Variants in COTL1 observed in about 807,000 individuals in gnomAD.
The protein encoded by COTL1 is coactosin like F-actin binding protein 1, also known as coactosin-like protein.
Under a neutral mutation model 16.5 loss-of-function variants are expected in COTL1, and 15 were observed. That is an observed-to-expected ratio of 0.91 (90% CI 0.61 to 1.40). The LOEUF is 1.40. Among genes scored for constraint, COTL1 ranks in the 40% most tolerant of loss-of-function variants. The probability of loss-of-function intolerance (pLI) is 0.00; values close to 1 mark genes in which losing one functional copy is unlikely to be tolerated. For synonymous variants in COTL1, 112 were observed against 85.3 expected, an observed-to-expected ratio of 1.31 and a Z score of -1.73; for missense variants, 220 against 201.5, an observed-to-expected ratio of 1.09 and a Z score of -0.56.
At chr16:84,597,277 C>G (rs1048498162) in intron 2 of COTL1, among the ~76,000 whole-genome samples, 1 of 152,184 alleles carries the variant, frequency 6.6e-6, no homozygotes, top group East Asian at 1.9e-4. Context: ...GGCCAGTCCC[C>G]ACTCTAAGAA....
Position 84,590,162 on chromosome 16 carries a change from G to A in COTL1, c.261C>T (p.Ser87=), listed in dbSNP as rs372414639. 77 of 1,614,062 alleles carry A rather than the reference G, an allele frequency of 4.8e-5. No individual in the cohort carries two copies. The highest frequency in any genetic ancestry group is 4.7e-4 in the African/African-American group (35 of 75,028). ...TCCCGGTTTTGGCGCGCTGCAGCCC[G>A]CTGACGTTCTCACCGATCCACGTGA... The part of the protein sequence containing the change: ...ALITWIGENV[S]GLQRAKTGTD... The change falls in exon 3 of 4, where the codon AGC becomes AGT. Residue 87 remains serine, a synonymous_variant. Transcript: ENST00000262428. The surrounding 1 kb of genome is among the most constrained non-coding windows in gnomAD (Gnocchi z 5.5).
In COTL1 at chr16:84,599,525, C is replaced by T. The variant is rs150059122; in HGVS notation, c.161-9263G>A. On this transcript the variant is annotated intron_variant, in intron 2 of 3. Transcript: ENST00000262428. ...TGTCTGGGTCTTGTTATGGCCCCAG[C>T]ACTGATCACCATGCCAGGCATGTCA... 2.0e-3 allele frequency among the ~76,000 whole-genome samples: 304 copies of T among 152,288 alleles called. 1 individual carries two copies. The highest frequency in any genetic ancestry group is 7.1e-3 in the African/African-American group (294 of 41,548).
intron 3 of COTL1, chr16:84,575,909 T>C (rs747355474): frequency 2.6e-5 from 4 of 152,206 alleles, no homozygotes; most frequent in Non-Finnish European, 4.4e-5. Flanking sequence ...TGAGAACACC[T>C]GGTACAAAGC....
At chr16:84,596,927 C>T (rs16974241) in intron 2 of COTL1, 5,142 of 152,504 alleles carry the variant, frequency 0.034, 289 homozygotes, top group African/African-American at 0.12. Flanking sequence ...CACAACTGTT[C>T]GCTAAGGCAA....
Position 84,590,074 on chromosome 16 carries a change from T to G in COTL1, c.318+31A>C, listed in dbSNP as rs909300241. On this transcript the variant is annotated intron_variant, in intron 3 of 3. Coordinates refer to ENST00000262428, the MANE Select transcript of COTL1 (RefSeq NM_021149.5). This position sits in a 1 kb window ranked among gnomAD's most constrained non-coding sequence, Gnocchi z 5.5. ...GCAGGATGGTGACCCTTGGCGAGCT[T>G]TGACCTCCAGACTCTGGAGGAACTC... The G allele has an allele frequency of 6.3e-7, 1 of 1,587,892 alleles. No homozygotes were observed. The highest frequency in any genetic ancestry group is 8.6e-7 in the Non-Finnish European group (1 of 1,160,868).
intron 3 of COTL1, among the ~76,000 whole-genome samples, chr16:84,574,795 G>C (rs1377250329): frequency 1.3e-5 from 2 of 151,926 alleles, no homozygotes; most frequent in African/African-American, 4.8e-5. Context: ...TGTTGGCCAG[G>C]CTGGTCATGA....
At position 84,590,085 on chromosome 16, in the gene COTL1, A is replaced by G. The variant is rs1337792292; in HGVS notation, c.318+20T>C. 6.3e-7 allele frequency: 1 copy of G among 1,597,220 alleles called. No individual in the cohort carries two copies. Among genetic ancestry groups the G allele is most frequent in the African/African-American group, 1.3e-5 (1 of 74,522 alleles). On this transcript the variant is annotated intron_variant, in intron 3 of 3. Coordinates refer to ENST00000262428, the MANE Select transcript of COTL1 (RefSeq NM_021149.5). The surrounding 1 kb of genome is among the most constrained non-coding windows in gnomAD (Gnocchi z 5.5). ...ACCCTTGGCGAGCTTTGACCTCCAG[A>G]CTCTGGAGGAACTCAGTACCTGTAC... is the stretch of plus-strand genomic sequence containing the variant.
At chr16:84,605,329 G>A (rs1223535744) in intron 2 of COTL1, among the ~76,000 whole-genome samples, 1 of 152,242 alleles carries the variant, frequency 6.6e-6, no homozygotes, top group African/African-American at 2.4e-5. Flanking sequence ...GCTGTGAAAT[G>A]GGATAACAAC....
chr16:84,586,095 G>A (rs973830369), intron 3 of COTL1, among the ~76,000 whole-genome samples: 3 of 152,130 alleles, frequency 2.0e-5, no homozygotes, highest in African/African-American at 7.2e-5. Flanking sequence ...TCTCTCTTCT[G>A]GGATCCTGAC....
At chr16:84,570,677 C>A (rs1904322833) in intron 3 of COTL1, among the ~76,000 whole-genome samples, 1 of 152,210 alleles carries the variant, frequency 6.6e-6, no homozygotes, top group East Asian at 1.9e-4. Flanking sequence ...ACCCTCCTGG[C>A]TCAGCTGATG....
intron 3 of COTL1, chr16:84,575,689 C>T (rs1904437765): frequency 6.6e-6 from 1 of 152,178 alleles, no homozygotes; most frequent in African/African-American, 2.4e-5. Flanking sequence ...CCCAACTGCC[C>T]AGGTTTAAAC....
Position 84,566,751 on chromosome 16 carries a change from G to T in COTL1, c.*94C>A. 1 of 796,698 alleles carries T rather than the reference G, an allele frequency of 1.3e-6. No homozygotes were observed. Among genetic ancestry groups the T allele is most frequent in the Non-Finnish European group, 2.1e-6 (1 of 472,682 alleles). 49.4% of individuals were successfully genotyped at this position (796,698 alleles called of 1,614,324 possible). On this transcript the variant is annotated 3_prime_UTR_variant, in exon 4 of 4. Transcript: ENST00000262428. ...CCTCTCATGGCTTCTTTTCTCCCTG[G>T]TGGGCTGGTGGGCTAGTAGCTGAGG...
intron 2 of COTL1, among the ~76,000 whole-genome samples, chr16:84,610,595 C>T (rs1416006915): frequency 1.3e-5 from 2 of 152,152 alleles, no homozygotes; most frequent in African/African-American, 4.8e-5. Flanking sequence ...TTGAACCAAT[C>T]GGTTAGCAGA....
rs568985707 is a variant in COTL1 at position 84,600,383 on chromosome 16, G to T, written c.161-10121C>A. Among the ~76,000 whole-genome samples, 14 of 146,838 alleles carry T rather than the reference G, an allele frequency of 9.5e-5. No individual in the cohort carries two copies. In the South Asian group the frequency reaches 3.0e-3, roughly 31 times the overall value. On this transcript the variant is annotated intron_variant, in intron 2 of 3. Transcript: ENST00000262428. ...CCTGCAGTGCCGTGGCACGATCTCAGCTTACTGCAACCTCCGCCTCCTGGG... is the reference window on the plus strand; with the variant it reads ...CCTGCAGTGCCGTGGCACGATCTCATCTTACTGCAACCTCCGCCTCCTGGG...
At chr16:84,594,565 C>T (rs1349984047) in intron 2 of COTL1, 1 of 152,236 alleles carries the variant, frequency 6.6e-6, no homozygotes, top group Non-Finnish European at 1.5e-5. Flanking sequence ...GCAGCCTTGA[C>T]CTGAGGGGGA....
chr16:84,604,374 C>T (rs963399067), intron 2 of COTL1, among the ~76,000 whole-genome samples: 1 of 145,768 alleles, frequency 6.9e-6, no homozygotes, highest in African/African-American at 2.6e-5. Flanking sequence ...CCTGCCCACC[C>T]AGGAGCCTCA....
At position 84,604,105 on chromosome 16, in the gene COTL1, T is replaced by A. The variant is rs1905160219; in HGVS notation, c.160+13396A>T. On this transcript the variant is annotated intron_variant, in intron 2 of 3. Coordinates refer to ENST00000262428, the MANE Select transcript of COTL1 (RefSeq NM_021149.5). Reference sequence around the variant, plus strand: ...TCCCCAACCGCCTTCTCACCCATGCTCCCCTCCCACTCCCCACCCATGCTC... The same window carrying A: ...TCCCCAACCGCCTTCTCACCCATGCACCCCTCCCACTCCCCACCCATGCTC... Among the ~76,000 whole-genome samples, 3 of 104,976 alleles carry A rather than the reference T, an allele frequency of 2.9e-5. No individual in the cohort carries two copies. In the South Asian group the frequency reaches 1.1e-3, roughly 38 times the overall value. 68.9% of individuals were successfully genotyped at this position (104,976 alleles called of 152,430 possible). A position where few individuals can be genotyped will look rare whatever the true frequency, so the allele number is the denominator to read the frequency against.
chr16:84,614,754 G>A (rs778114164), intron 2 of COTL1, among the ~76,000 whole-genome samples: 1 of 152,146 alleles, frequency 6.6e-6, no homozygotes, highest in Non-Finnish European at 1.5e-5. Context: ...AGGATACCTG[G>A]CAGGGAACTG....
intron 2 of COTL1, among the ~76,000 whole-genome samples, chr16:84,607,609 G>A (rs1265619875): frequency 6.6e-6 from 1 of 152,152 alleles, no homozygotes; most frequent in Non-Finnish European, 1.5e-5. Context: ...CATCGTGTGT[G>A]TTGGGGACAC....
Sources: gnomAD v4.1 joint callset for allele counts (sites outside exome capture counted in the v4.1 genomes callset) on GRCh38, gnomAD v4.1.1 for gene constraint, Gnocchi (gnomAD v3.1) non-coding constraint, MANE v1.5 for transcripts, NCBI Gene and HGNC (gene_info 2026-07-23, HGNC 2026-07-21) for gene names.